Variants in HAGH observed in about 807,000 individuals in gnomAD.
HAGH encodes the protein hydroxyacylglutathione hydrolase, mitochondrial.
HAGH carries 29 observed loss-of-function variants against 35.1 expected under a neutral mutation model. The ratio of observed to expected loss-of-function variants is 0.83; its 90% CI spans 0.62 to 1.13. The LOEUF is 1.13. HAGH is among the 50% of genes most tolerant of loss of function. The pLI, the probability that HAGH is intolerant of heterozygous loss-of-function variation, is 0.00. For missense variants in HAGH, 478 were observed against 419.6 expected, an observed-to-expected ratio of 1.14 and a Z score of -1.22; for synonymous variants, 225 against 176.1, an observed-to-expected ratio of 1.28 and a Z score of -2.20.
chr16:1,809,479 C>T, intron 8 of HAGH, 97 bp from the exon 9 acceptor site: 1 of 1,001,654 alleles, frequency 1.0e-6, no homozygotes, highest in African/African-American at 1.6e-5. Flanking sequence ...CTGGCCGAGC[C>T]CAGCCCTCAG....
At chr16:1,826,871 C>T (rs1159798760), upstream of HAGH, 9 of 856,018 alleles carry the variant, frequency 1.1e-5, no homozygotes, top group Non-Finnish European at 1.4e-5. Flanking sequence ...GCGCCCGCCT[C>T]GCGCTGCCCT....
intron 8 of HAGH, 141 bp downstream of exon 8, chr16:1,809,613 G>A: frequency 2.7e-6 from 2 of 739,738 alleles, no homozygotes; most frequent in Non-Finnish European, 4.7e-6. Context: ...CAAGAAGAGT[G>A]CTCGGGCTCT....
At chr16:1,827,114 C>T (rs1898478305), upstream of HAGH, 1 of 1,384,034 alleles carries the variant, frequency 7.2e-7, no homozygotes, top group South Asian at 1.4e-5. Context: ...CCCGGCAGAT[C>T]GCGAGGTGGA....
intron 2 of HAGH, 116 bp downstream of exon 2, chr16:1,822,749 A>G: frequency 1.2e-6 from 1 of 847,584 alleles, no homozygotes; most frequent in South Asian, 1.5e-5. Flanking sequence ...GCCGGAGACT[A>G]ATTTCCATTT....
chr16:1,812,546 A>C (rs1015714543), intron 7 of HAGH: 5 of 151,790 alleles, frequency 3.3e-5, no homozygotes, highest in African/African-American at 7.3e-5. Flanking sequence ...AAATTGTCAA[A>C]ATCAGGAATG....
rs149657510 is a variant in HAGH, at chr16:1,816,735, G to A, written c.747+158C>T. Among the ~76,000 whole-genome samples the A allele has an allele frequency of 6.2e-4, 94 of 152,338 alleles. 1 individual carries two copies. The highest frequency in any genetic ancestry group is 2.0e-3 in the African/African-American group (85 of 41,590). ...CAGAGGGATCTCCATAGAACCCCTG[G>A]GTTTGCCGTGCAGGGCGAGCTGGGC... is the stretch of plus-strand genomic sequence containing the variant. On this transcript the variant is annotated intron_variant, in intron 7 of 8. Coordinates refer to ENST00000397356, the MANE Select transcript of HAGH (RefSeq NM_005326.6).
At chr16:1,812,874 G>T (rs1041974936) in intron 7 of HAGH, among the ~76,000 whole-genome samples, 11 of 151,494 alleles carry the variant, frequency 7.3e-5, no homozygotes, top group East Asian at 2.0e-4. Context: ...TGGCTCCACC[G>T]CGTGGGCTGG....
rs758965361 is a variant in HAGH at position 1,816,977 on chromosome 16, G to C, written c.663C>G (p.His221Gln). The C allele has an allele frequency of 6.2e-7, 1 of 1,611,688 alleles. No homozygotes were observed. ...LPPDTRVYCG[H>Q]EYTINNLKFA... ...ACTTGAGGTTGTTGATGGTGTACTCGTGGCCACAGTAGACTCTCTGAGGAG... is the reference window on the plus strand; with the variant it reads ...ACTTGAGGTTGTTGATGGTGTACTCCTGGCCACAGTAGACTCTCTGAGGAG... The change falls in exon 7 of 9, where the codon CAC (histidine) becomes CAG (glutamine). Residue 221 changes from histidine to glutamine, a missense_variant. Coordinates refer to ENST00000397356, the MANE Select transcript of HAGH (RefSeq NM_005326.6).
upstream of HAGH, chr16:1,826,936 T>C: frequency 1.6e-6 from 1 of 639,856 alleles, no homozygotes; most frequent in Non-Finnish European, 2.4e-6. Flanking sequence ...GCGCTCGCGC[T>C]CAACTTGTTT....
intron 7 of HAGH, among the ~76,000 whole-genome samples, chr16:1,811,357 C>A (rs1897639858): frequency 1.3e-5 from 2 of 151,454 alleles, no homozygotes; most frequent in South Asian, 4.2e-4. Context: ...GAGGCTGCAG[C>A]GAGCCAAGAC....
chr16:1,809,652 G>A, intron 8 of HAGH, 102 bp downstream of exon 8: 1 of 880,014 alleles, frequency 1.1e-6, no homozygotes, highest in Non-Finnish European at 1.9e-6. Context: ...GCTCCCCAAG[G>A]CAGCCTCAGC....
In HAGH at chr16:1,822,291, G is replaced by A. The variant is rs753913600; in HGVS notation, c.314+9C>T. Reference sequence around the variant, plus strand: ...GGTCCCACACCCCCAGGTGAGACGCGGCACTTACCAGTGGTGGTGGGTGGT... The same window carrying A: ...GGTCCCACACCCCCAGGTGAGACGCAGCACTTACCAGTGGTGGTGGGTGGT... On this transcript the variant is annotated intron_variant, in intron 3 of 8. Coordinates refer to ENST00000397356, the MANE Select transcript of HAGH (RefSeq NM_005326.6). 139 of 1,595,526 alleles carry A rather than the reference G, an allele frequency of 8.7e-5. No individual in the cohort carries two copies. In the South Asian group the frequency reaches 1.2e-3, roughly 14 times the overall value.
chr16:1,816,231 T>C lies in HAGH; in HGVS notation c.747+662A>G, dbSNP rs79164837. Among the ~76,000 whole-genome samples the C allele has an allele frequency of 8.9e-3, 1,295 of 145,138 alleles. 94 individuals carry two copies. The East Asian group carries it at 0.19, about 21-fold the overall frequency. ...AAAAAAATTAAAAAAAAAAAAAAGA[T>C]GAGTATTTATGATTCATCTGATTTA... On this transcript the variant is annotated intron_variant, in intron 7 of 8. Transcript: ENST00000397356.
At chr16:1,826,522 C>CCCGCGGCCCCGCGCCCGCA (rs1555469454) in intron 1 of HAGH, 190 bp downstream of exon 1, 1 of 979,600 alleles carries the variant, frequency 1.0e-6, no homozygotes, top group African/African-American at 1.8e-5. Flanking sequence ...GCTTTCCGCA[C>CCCGCGGCCCCGCGCCCGCA]CCGCGGCCCC....
At chr16:1,826,900 C>G, upstream of HAGH, 1 of 729,348 alleles carries the variant, frequency 1.4e-6, no homozygotes, top group Non-Finnish European at 2.0e-6. Flanking sequence ...CAGCGTCCAC[C>G]TCGCACCGTC....
rs932436204 is a variant in HAGH, at chr16:1,822,053, C to T, written c.314+247G>A. The T allele has an allele frequency of 2.0e-4, 104 of 518,632 alleles. 1 individual carries two copies. The highest frequency in any genetic ancestry group is 5.1e-4 in the Middle Eastern group (1 of 1,964). 32.1% of individuals were successfully genotyped at this position (518,632 alleles called of 1,614,324 possible). On this transcript the variant is annotated intron_variant, in intron 3 of 8. Transcript: ENST00000397356. The stretch of plus-strand genomic sequence containing the variant: ...AAACCCGCATGGCCCAGGAGAGAGC[C>T]GGGGGGTGGGGCCTGAGGGTAAGGC...
chr16:1,821,502 A>C (rs1473718308), intron 3 of HAGH: 1 of 152,248 alleles, frequency 6.6e-6, no homozygotes, highest in Non-Finnish European at 1.5e-5. Flanking sequence ...TCTAGCTTTG[A>C]AGAGCCTCAA....
rs913200227 is a variant in HAGH, at chr16:1,808,211, G to T, written c.*1072C>A. 6.6e-6 allele frequency: 1 copy of T among 152,184 alleles called. No homozygotes were observed. Among genetic ancestry groups the T allele is most frequent in the Non-Finnish European group, 1.5e-5 (1 of 68,054 alleles). The allele number at this position is 152,184 out of a possible 1,614,324, so 9.4% of individuals were successfully genotyped here. On this transcript the variant is annotated 3_prime_UTR_variant, in exon 9 of 9. Coordinates refer to ENST00000397356, the MANE Select transcript of HAGH (RefSeq NM_005326.6). ...CAGCCTTGGACTCCCGGGCTCAAGC[G>T]ATCCTCCTGCCTCAGCCTCCTGAGT...
At chr16:1,814,663 G>T (rs1026384268) in intron 7 of HAGH, among the ~76,000 whole-genome samples, 1 of 149,646 alleles carries the variant, frequency 6.7e-6, no homozygotes, top group Non-Finnish European at 1.5e-5. Flanking sequence ...ACTTTGGGAG[G>T]CCGAGGCGGG....
Sources: allele counts gnomAD v4.1 joint callset (sites outside exome capture counted in the v4.1 genomes callset), GRCh38; gene constraint gnomAD v4.1.1; transcripts MANE v1.5; gene names NCBI Gene and HGNC (gene_info 2026-07-23, HGNC 2026-07-21).